The following PTPRD variants were observed in gnomAD, a reference collection of about 807,000 sequenced individuals.
The protein encoded by PTPRD is protein tyrosine phosphatase receptor type D.
A neutral mutation model predicts 214.5 loss-of-function variants in PTPRD; 34 were observed. That is an observed-to-expected ratio of 0.16 (90% CI 0.12 to 0.21). The LOEUF (loss-of-function observed/expected upper bound fraction) is 0.21. Ranked by LOEUF, PTPRD falls within the 10% of genes least tolerant of loss-of-function variation. The pLI is 1.00. For synonymous variants in PTPRD, 1,128 were observed against 845.7 expected, an observed-to-expected ratio of 1.33 and a Z score of -5.79; for missense variants, 2,545 against 2,398.7, an observed-to-expected ratio of 1.06 and a Z score of -1.27.
At chr9:9,491,098 T>C (rs533790532) in intron 8 of PTPRD, among the ~76,000 whole-genome samples, 121 of 151,898 alleles carry the variant, frequency 8.0e-4, no homozygotes, top group South Asian at 2.5e-3. Flanking sequence ...AGTTAAAGGA[T>C]GGAAAAAAAC....
chr9:10,604,878 A>G (rs143216103), intron 2 of PTPRD, among the ~76,000 whole-genome samples: 2 of 152,030 alleles, frequency 1.3e-5, no homozygotes, highest in East Asian at 1.9e-4. Context: ...TTACAGGTAT[A>G]AAAGTTTTTT....
At chr9:8,632,612 C>G (rs934124183) in intron 14 of PTPRD, among the ~76,000 whole-genome samples, 1 of 151,890 alleles carries the variant, frequency 6.6e-6, no homozygotes, top group Non-Finnish European at 1.5e-5. Context: ...TAGAGACATA[C>G]AACACAGTCT....
At chr9:10,090,945 CACACACACACACACAT>C (rs2098422472) in intron 3 of PTPRD, among the ~76,000 whole-genome samples, 1 of 148,622 alleles carries the variant, frequency 6.7e-6, no homozygotes, top group Admixed American at 6.8e-5. Flanking sequence ...CACACACACA[CACACACACACACACAT>C]GCATGTGGTA....
At chr9:9,900,796 C>T (rs1242901905) in intron 5 of PTPRD, among the ~76,000 whole-genome samples, 1 of 151,972 alleles carries the variant, frequency 6.6e-6, no homozygotes, top group South Asian at 2.1e-4. Context: ...GCCACCACAC[C>T]CAGCTAACTT....
At chr9:10,378,199 A>G (rs964130210) in intron 2 of PTPRD, among the ~76,000 whole-genome samples, 2 of 151,952 alleles carry the variant, frequency 1.3e-5, no homozygotes, top group African/African-American at 4.8e-5. Flanking sequence ...TGCTTCTTAA[A>G]TGTTCTGGTT....
At chr9:8,707,051 A>C (rs922025600) in intron 12 of PTPRD, among the ~76,000 whole-genome samples, 3 of 152,228 alleles carry the variant, frequency 2.0e-5, no homozygotes, top group African/African-American at 7.2e-5. Context: ...TTAATGATTT[A>C]ATTACCTAGA....
chr9:9,593,453 G>A (rs2092968164), intron 7 of PTPRD, among the ~76,000 whole-genome samples: 2 of 151,928 alleles, frequency 1.3e-5, no homozygotes, highest in Non-Finnish European at 2.9e-5. Context: ...TGGTTTTGTT[G>A]TTGTTGCTCG....
intron 12 of PTPRD, among the ~76,000 whole-genome samples, chr9:8,705,371 T>C (rs533367414): frequency 1.3e-4 from 20 of 152,214 alleles, no homozygotes; most frequent in African/African-American, 4.6e-4. Context: ...AGGCACCTGC[T>C]ACCACGCCCA....
intron 7 of PTPRD, among the ~76,000 whole-genome samples, chr9:9,667,032 A>C (rs2096736986): frequency 6.6e-6 from 1 of 152,084 alleles, no homozygotes; most frequent in Admixed American, 6.6e-5. Flanking sequence ...CTCAAAGTGC[A>C]AACATAAAAG....
chr9:9,688,100 C>T (rs117292439), intron 7 of PTPRD, among the ~76,000 whole-genome samples: 4,064 of 151,840 alleles, frequency 0.027, 82 homozygotes, highest in Non-Finnish European at 0.037. Context: ...ACTTCTGCCA[C>T]GACTGTAAGT....
At chr9:8,708,689 A>C (rs2098262273) in intron 12 of PTPRD, among the ~76,000 whole-genome samples, 1 of 146,592 alleles carries the variant, frequency 6.8e-6, no homozygotes, top group South Asian at 2.3e-4. Flanking sequence ...CAAAAAAAAA[A>C]AAAAAAAAAA....
chr9:9,664,175 T>A (rs1342325777), intron 7 of PTPRD, among the ~76,000 whole-genome samples: 1 of 150,838 alleles, frequency 6.6e-6, no homozygotes, highest in Non-Finnish European at 1.5e-5. Flanking sequence ...ACAGCCTGGC[T>A]TTAAAATTAA....
chr9:8,847,608 C>A (rs2097724452), intron 11 of PTPRD, among the ~76,000 whole-genome samples: 1 of 152,114 alleles, frequency 6.6e-6, no homozygotes, highest in South Asian at 2.1e-4. Flanking sequence ...CTTCGGGGTA[C>A]CTTCTTGTCA....
intron 14 of PTPRD, among the ~76,000 whole-genome samples, chr9:8,595,734 G>A (rs2094443363): frequency 6.6e-6 from 1 of 152,114 alleles, no homozygotes; most frequent in South Asian, 2.1e-4. Context: ...TGTATTGGAG[G>A]TCATAATAAT....
intron 3 of PTPRD, among the ~76,000 whole-genome samples, chr9:10,169,674 A>C (rs549891134): frequency 6.6e-6 from 1 of 152,226 alleles, no homozygotes; most frequent in East Asian, 1.9e-4. Flanking sequence ...TTTTTGACCA[A>C]CTTCTACAAC....
chr9:9,077,771 T>C (rs2099753378), intron 10 of PTPRD, among the ~76,000 whole-genome samples: 1 of 152,012 alleles, frequency 6.6e-6, no homozygotes, highest in Non-Finnish European at 1.5e-5. Context: ...AAGATAAAGA[T>C]GAAGCACATG....
Position 9,743,893 on chromosome 9 carries a change from G to A in PTPRD, c.-325-9322C>T, listed in dbSNP as rs958095802. On this transcript the variant is annotated intron_variant, in intron 6 of 45. Coordinates refer to ENST00000381196, the MANE Select transcript of PTPRD (RefSeq NM_002839.4). ...AGAAAATATGCAGGCTAATTGATCC[G>A]ATAAATCTATACATTGTAGCCTCTC... Among the ~76,000 whole-genome samples the A allele has an allele frequency of 3.3e-5, 5 of 152,072 alleles. 1 individual carries two copies. Among genetic ancestry groups the A allele is most frequent in the East Asian group, 1.9e-4 (1 of 5,160 alleles).
chr9:10,237,065 C>T (rs2099631355), intron 3 of PTPRD, among the ~76,000 whole-genome samples: 2 of 151,726 alleles, frequency 1.3e-5, no homozygotes, highest in South Asian at 4.1e-4. Context: ...CAAGAGTCAA[C>T]CCTAATGTAA....
chr9:9,198,687 C>T (rs937730118), intron 9 of PTPRD, among the ~76,000 whole-genome samples: 1 of 152,146 alleles, frequency 6.6e-6, no homozygotes, highest in Non-Finnish European at 1.5e-5. Context: ...GTCTGAAATT[C>T]TCACATGTTC....
Sources: allele counts gnomAD v4.1 joint callset (sites outside exome capture counted in the v4.1 genomes callset), GRCh38; gene constraint gnomAD v4.1.1; transcripts MANE v1.5; gene names NCBI Gene and HGNC (gene_info 2026-07-23, HGNC 2026-07-21).